The following DCAF6 variants were observed in gnomAD, a reference collection of about 807,000 sequenced individuals.
DCAF6 encodes DDB1 and CUL4 associated factor 6, also known as DDB1- and CUL4-associated factor 6.
A neutral mutation model predicts 125.1 loss-of-function variants in DCAF6; 54 were observed. That is an observed-to-expected ratio of 0.43 (90% confidence interval 0.35 to 0.54). The LOEUF (loss-of-function observed/expected upper bound fraction) is 0.54. Ranked by LOEUF, DCAF6 falls within the 20% of genes least tolerant of loss-of-function variation. The probability of loss-of-function intolerance (pLI) is 0.01; values close to 1 mark genes in which losing one functional copy is unlikely to be tolerated. For synonymous variants in DCAF6, 371 were observed against 390.4 expected (o/e 0.95, Z 0.58); for missense variants, 934 against 1,161.7 (o/e 0.80, Z 2.85).
intron 12 of DCAF6, among the ~76,000 whole-genome samples, chr1:168,029,945 G>A (rs1455688537): frequency 9.3e-5 from 14 of 149,866 alleles, no homozygotes; most frequent in African/African-American, 1.7e-4. Flanking sequence ...GCACCACTGC[G>A]CTCCAGCCTG....
At chr1:167,986,329 C>T (rs1377999226) in intron 4 of DCAF6, among the ~76,000 whole-genome samples, 3 of 152,152 alleles carry the variant, frequency 2.0e-5, no homozygotes, top group South Asian at 2.1e-4. Flanking sequence ...CAATGTGTTC[C>T]GTAACTCCAC....
chr1:168,046,172 A>G (rs1201636921), intron 16 of DCAF6, among the ~76,000 whole-genome samples: 1 of 151,980 alleles, frequency 6.6e-6, no homozygotes, highest in Non-Finnish European at 1.5e-5. Flanking sequence ...TTACTTAATG[A>G]CTCTTAAAGA....
At chr1:168,000,230 G>T (rs952184600) in intron 7 of DCAF6, among the ~76,000 whole-genome samples, 9 of 152,094 alleles carry the variant, frequency 5.9e-5, no homozygotes, top group African/African-American at 2.2e-4. Context: ...GATGCGGTTT[G>T]TGGCTCCCCA....
intron 11 of DCAF6, among the ~76,000 whole-genome samples, chr1:168,022,302 GAAGCCAAGGTAGA>G (rs2103236915): frequency 6.6e-6 from 1 of 152,256 alleles, no homozygotes; most frequent in South Asian, 2.1e-4. Context: ...TGTTCTATTT[GAAGCCAAGGTAGA>G]AAGTGTAAAG....
chr1:168,013,988 C>T (rs1684634736), intron 10 of DCAF6, among the ~76,000 whole-genome samples: 1 of 152,154 alleles, frequency 6.6e-6, no homozygotes, highest in South Asian at 2.1e-4. Context: ...ATACTCTCGC[C>T]TTGGTCTCCC....
chr1:167,942,510 C>T lies in DCAF6; in HGVS notation c.97+5502C>T, dbSNP rs375823426. ...AATTCTTTATATAACAGTCCTTAATCAGATATGTACTTTACAAATATTTTC... is the reference window on the plus strand; with the variant it reads ...AATTCTTTATATAACAGTCCTTAATTAGATATGTACTTTACAAATATTTTC... On this transcript the variant is annotated intron_variant, in intron 1 of 21. Transcript: ENST00000367840. Among the ~76,000 whole-genome samples, 52 of 152,264 alleles carry T rather than the reference C, an allele frequency of 3.4e-4. No homozygotes were observed. The South Asian group carries it at 0.011, about 31-fold the overall frequency.
chr1:167,886,873 A>G, the DCAF6 span, among the ~76,000 whole-genome samples: 3 of 152,248 alleles, frequency 2.0e-5, no homozygotes, highest in African/African-American at 7.2e-5. Context: ...ACCCCATCAA[A>G]AAGTGGGCAA....
At chr1:167,896,797 T>G in the DCAF6 span, 1 of 785,534 alleles carries the variant, frequency 1.3e-6, no homozygotes, top group Non-Finnish European at 2.2e-6. Flanking sequence ...TGAACAGTGA[T>G]TGGCACACTT....
At chr1:168,022,902 T>G (rs1685842848) in intron 11 of DCAF6, 86 bp from the exon 12 acceptor site, 1 of 1,239,654 alleles carries the variant, frequency 8.1e-7, no homozygotes, top group Non-Finnish European at 1.2e-6. Context: ...CTTATACATT[T>G]GTTTCTTAAG....
chr1:168,062,405 TA>T (rs1691711696), intron 17 of DCAF6, among the ~76,000 whole-genome samples: 1 of 152,210 alleles, frequency 6.6e-6, no homozygotes, highest in Non-Finnish European at 1.5e-5. Flanking sequence ...TTATATTTAG[TA>T]AAAAGTTTAC....
At chr1:167,958,582 T>G (rs1305959029) in intron 2 of DCAF6, among the ~76,000 whole-genome samples, 4 of 152,208 alleles carry the variant, frequency 2.6e-5, no homozygotes, top group African/African-American at 9.6e-5. Context: ...TTTAGGTGAC[T>G]TGGTTTTATG....
In DCAF6 at chr1:167,936,977, G is replaced by A. The variant is rs1322802778; in HGVS notation, c.66G>A (p.Glu22=). 1 of 1,610,994 alleles carries A rather than the reference G, an allele frequency of 6.2e-7. No individual in the cohort carries two copies. The highest frequency in any genetic ancestry group is 8.5e-7 in the Non-Finnish European group (1 of 1,179,210). ...WDVRKRSLGL[E]DPSRLRSRYL... ...TGAGGAAAAGGTCCCTCGGGCTGGA[G>A]GACCCGTCCCGGCTGCGGAGTCGCT... Residue 22 remains glutamate, a synonymous_variant, in exon 1 of 22, where the codon GAG becomes GAA. Coordinates refer to ENST00000367840, the MANE Select transcript of DCAF6 (RefSeq NM_001198956.2).
At chr1:168,049,564 A>G (rs1689608486) in intron 16 of DCAF6, among the ~76,000 whole-genome samples, 3 of 145,824 alleles carry the variant, frequency 2.1e-5, no homozygotes. Context: ...GCCTGGCCAT[A>G]TACTGGGTTA....
the DCAF6 span, among the ~76,000 whole-genome samples, chr1:167,873,465 G>A: frequency 1.3e-5 from 2 of 152,130 alleles, no homozygotes; most frequent in Admixed American, 6.5e-5. Context: ...CCTTGACACA[G>A]TTAGGACCAA....
At chr1:167,898,998 G>T in the DCAF6 span, among the ~76,000 whole-genome samples, 1 of 152,080 alleles carries the variant, frequency 6.6e-6, no homozygotes, top group Non-Finnish European at 1.5e-5. Flanking sequence ...GAACTTCGCC[G>T]CACTTGCTCA....
intron 2 of DCAF6, among the ~76,000 whole-genome samples, chr1:167,956,347 CAT>C (rs1325747688): frequency 1.3e-5 from 2 of 152,076 alleles, no homozygotes; most frequent in Non-Finnish European, 2.9e-5. Flanking sequence ...AATTTATTGA[CAT>C]AAAATTGTTC....
At chr1:167,997,852 T>C (rs923575229) in intron 7 of DCAF6, among the ~76,000 whole-genome samples, 13 of 151,984 alleles carry the variant, frequency 8.6e-5, no homozygotes, top group African/African-American at 1.9e-4. Context: ...TACTTTTTTT[T>C]CCCCAGAGAA....
chr1:167,995,745 A>C (rs1484621572), intron 7 of DCAF6, among the ~76,000 whole-genome samples: 1 of 152,132 alleles, frequency 6.6e-6, no homozygotes, highest in Non-Finnish European at 1.5e-5. Context: ...AGAATAAATT[A>C]ATAATCTGTC....
the DCAF6 span, among the ~76,000 whole-genome samples, chr1:167,915,988 T>C: frequency 6.6e-6 from 1 of 152,116 alleles, no homozygotes; most frequent in East Asian, 1.9e-4. Flanking sequence ...ACTTACATAG[T>C]GAAGCTATCA....
Sources: allele counts gnomAD v4.1 joint callset (sites outside exome capture counted in the v4.1 genomes callset), GRCh38; gene constraint gnomAD v4.1.1; transcripts MANE v1.5; gene names NCBI Gene and HGNC (gene_info 2026-07-23, HGNC 2026-07-21).